Variants in KIAA1549L observed in about 807,000 individuals in gnomAD.
KIAA1549L encodes the protein KIAA1549 like.
KIAA1549L carries 88 observed loss-of-function variants against 160.7 expected under a neutral mutation model. The observed-to-expected ratio is 0.55, with a 90% CI of 0.46 to 0.65. The LOEUF (loss-of-function observed/expected upper bound fraction) is 0.65, where lower values mean the gene tolerates loss of function less well. KIAA1549L is among the 30% of genes least tolerant of loss of function. The probability of loss-of-function intolerance (pLI) is 0.00; values close to 1 mark genes in which losing one functional copy is unlikely to be tolerated. For synonymous variants in KIAA1549L, 950 were observed against 976.7 expected (o/e 0.97, Z 0.51); for missense variants, 2,258 against 2,437.5 (o/e 0.93, Z 1.55).
chr11:33,462,597 T>C lies in KIAA1549L; in HGVS notation c.239-79205T>C, dbSNP rs573777802. Among the ~76,000 whole-genome samples, 28 of 152,298 alleles carry C rather than the reference T, an allele frequency of 1.8e-4. No individual in the cohort carries two copies. The South Asian group carries it at 5.2e-3, about 28-fold the overall frequency. ...GAAGCTTGGCCCTAGGGAAACAGCA[T>C]ATTCAATGATTAGGGGCTGGAGCTC... On this transcript the variant is annotated intron_variant, in intron 1 of 20. Coordinates refer to ENST00000658780, the MANE Select transcript of KIAA1549L (RefSeq NM_012194.3).
At chr11:33,515,490 G>A (rs1853323245) in intron 1 of KIAA1549L, among the ~76,000 whole-genome samples, 1 of 152,244 alleles carries the variant, frequency 6.6e-6, no homozygotes, top group Admixed American at 6.5e-5. Context: ...CATATGACCA[G>A]CAGTCTGCGC....
chr11:33,582,650 A>G (rs781273423), intron 10 of KIAA1549L, among the ~76,000 whole-genome samples: 6 of 152,214 alleles, frequency 3.9e-5, no homozygotes, highest in Admixed American at 6.5e-5. Context: ...ACAGAGCATG[A>G]CCATCACCCT....
intron 17 of KIAA1549L, among the ~76,000 whole-genome samples, chr11:33,646,762 A>T (rs1372527189): frequency 1.3e-5 from 2 of 152,220 alleles, no homozygotes; most frequent in Non-Finnish European, 2.9e-5. Context: ...GCAGCCAAGA[A>T]TAATTATTTC....
At position 33,670,142 on chromosome 11, in the gene KIAA1549L, A is replaced by T. The variant is rs1428908583; in HGVS notation, c.*1988A>T. 2 of 152,260 alleles carry T rather than the reference A, an allele frequency of 1.3e-5. No homozygotes were observed. The highest frequency in any genetic ancestry group is 2.9e-5 in the Non-Finnish European group (2 of 68,044). 9.4% of individuals were successfully genotyped at this position (152,260 alleles called of 1,614,324 possible). A position where few individuals can be genotyped will look rare whatever the true frequency, so the allele number is the denominator to read the frequency against. ...TCAGCCTGTTCATGCAAATGGTATG[A>T]GTCTGATAAAATCAGCTACATTGTC... is the stretch of plus-strand genomic sequence containing the variant. On this transcript the variant is annotated 3_prime_UTR_variant, in exon 21 of 21. Transcript: ENST00000658780.
At chr11:33,447,932 G>C (rs1027659053) in intron 1 of KIAA1549L, among the ~76,000 whole-genome samples, 1 of 152,124 alleles carries the variant, frequency 6.6e-6, no homozygotes, top group Non-Finnish European at 1.5e-5. Flanking sequence ...TCCAGACAGA[G>C]GAGTTCTCAT....
At chr11:33,560,579 C>T (rs1467609112) in intron 7 of KIAA1549L, among the ~76,000 whole-genome samples, 1 of 152,168 alleles carries the variant, frequency 6.6e-6, no homozygotes, top group African/African-American at 2.4e-5. Flanking sequence ...TCCTCATTAC[C>T]ATGCAACAGG....
chr11:33,529,229 G>A (rs1245183124), intron 1 of KIAA1549L, among the ~76,000 whole-genome samples: 2 of 152,064 alleles, frequency 1.3e-5, no homozygotes, highest in Admixed American at 6.5e-5. Flanking sequence ...CAGCTACTCG[G>A]GAGGCTGAGG....
At chr11:33,471,959 G>T (rs1375139793) in intron 1 of KIAA1549L, among the ~76,000 whole-genome samples, 1 of 152,168 alleles carries the variant, frequency 6.6e-6, no homozygotes, top group Non-Finnish European at 1.5e-5. Flanking sequence ...GAGTAAAAAG[G>T]CTGGAGTTGG....
At chr11:33,588,742 A>T (rs1849953718) in intron 11 of KIAA1549L, among the ~76,000 whole-genome samples, 1 of 152,136 alleles carries the variant, frequency 6.6e-6, no homozygotes, top group South Asian at 2.1e-4. Flanking sequence ...CCCTCAGCAA[A>T]CCCTATTTCA....
At chr11:33,553,488 T>C (rs1038140460) in intron 6 of KIAA1549L, among the ~76,000 whole-genome samples, 6 of 152,230 alleles carry the variant, frequency 3.9e-5, no homozygotes, top group Admixed American at 3.3e-4. Flanking sequence ...AAGTGAATTA[T>C]CAGCAAAGCC....
intron 1 of KIAA1549L, among the ~76,000 whole-genome samples, chr11:33,451,317 A>G (rs1025237752): frequency 2.6e-5 from 4 of 152,256 alleles, no homozygotes; most frequent in African/African-American, 4.8e-5. Flanking sequence ...TAGATTTTGC[A>G]GAGTTGAAGG....
chr11:33,570,514 C>T (rs1445292095), intron 9 of KIAA1549L, among the ~76,000 whole-genome samples: 1 of 152,088 alleles, frequency 6.6e-6, no homozygotes, highest in Non-Finnish European at 1.5e-5. Flanking sequence ...GGTCATTCAA[C>T]TTCTACCAGA....
intron 20 of KIAA1549L, among the ~76,000 whole-genome samples, 165 bp downstream of exon 20, chr11:33,661,179 G>C (rs947349718): frequency 6.6e-6 from 1 of 152,236 alleles, no homozygotes; most frequent in Admixed American, 6.5e-5. Context: ...TGTGGTGAGA[G>C]GGGATGTCCC....
chr11:33,424,336 T>C (rs1326353075), intron 1 of KIAA1549L, among the ~76,000 whole-genome samples: 3 of 152,178 alleles, frequency 2.0e-5, no homozygotes, highest in Non-Finnish European at 2.9e-5. Context: ...GAGTCCTTCT[T>C]CACCACAACA....
chr11:33,475,584 G>C (rs753070988), intron 1 of KIAA1549L, among the ~76,000 whole-genome samples: 1 of 151,544 alleles, frequency 6.6e-6, no homozygotes, highest in Non-Finnish European at 1.5e-5. Context: ...CAGGTGCAGC[G>C]GCTCATGCCT....
chr11:33,442,192 T>G (rs1452202198), intron 1 of KIAA1549L, among the ~76,000 whole-genome samples: 1 of 152,192 alleles, frequency 6.6e-6, no homozygotes, highest in Admixed American at 6.5e-5. Context: ...TTTCCCCATT[T>G]CTTGTTTTTG....
At chr11:33,379,140 C>T (rs1264056340) in intron 1 of KIAA1549L, among the ~76,000 whole-genome samples, 4 of 152,142 alleles carry the variant, frequency 2.6e-5, no homozygotes, top group African/African-American at 9.7e-5. Context: ...GGCTGCTCTC[C>T]CTTGTTGTTT....
chr11:33,473,357 G>T (rs888884542), intron 1 of KIAA1549L, among the ~76,000 whole-genome samples: 2 of 152,164 alleles, frequency 1.3e-5, no homozygotes, highest in Non-Finnish European at 2.9e-5. Context: ...CCTAGGAGGG[G>T]CATCTGACCC....
At chr11:33,564,280 A>G (rs11822320) in intron 8 of KIAA1549L, among the ~76,000 whole-genome samples, 17,175 of 152,052 alleles carry the variant, frequency 0.11, 1,371 homozygotes, top group East Asian at 0.33. Context: ...TTCAGCCTTT[A>G]CTCCCAGACA....
Sources: allele counts gnomAD v4.1 joint callset (sites outside exome capture counted in the v4.1 genomes callset), GRCh38; gene constraint gnomAD v4.1.1; transcripts MANE v1.5; gene names NCBI Gene and HGNC (gene_info 2026-07-23, HGNC 2026-07-21).